PREX2: variants seen among roughly 807,000 people sequenced by gnomAD.
PREX2 encodes the protein phosphatidylinositol-3,4,5-trisphosphate dependent Rac exchange factor 2, also known as phosphatidylinositol 3,4,5-trisphosphate-dependent Rac exchanger 2 protein.
Under a neutral mutation model 203.2 loss-of-function variants are expected in PREX2, and 107 were observed. The observed-to-expected ratio is 0.53, with a 90% CI of 0.45 to 0.62. The LOEUF (loss-of-function observed/expected upper bound fraction) is 0.62. PREX2 is among the 20% of genes least tolerant of loss of function. PREX2 has a pLI of 0.00. For synonymous variants in PREX2, 672 were observed against 663.6 expected, an observed-to-expected ratio of 1.01 and a Z score of -0.19; for missense variants, 1,777 against 1,955.9, an observed-to-expected ratio of 0.91 and a Z score of 1.72.
chr8:68,115,486 A>G lies in PREX2; in HGVS notation c.3147-267A>G, dbSNP rs76637775. 4.2e-3 allele frequency among the ~76,000 whole-genome samples: 641 copies of G among 152,344 alleles called. 2 individuals carry two copies. Among genetic ancestry groups the G allele is most frequent in the Non-Finnish European group, 7.2e-3 (487 of 68,034 alleles). On this transcript the variant is annotated intron_variant, in intron 25 of 39. Transcript: ENST00000288368. The stretch of plus-strand genomic sequence containing the variant: ...CACAAGTGTCAAACAAAACTATCAC[A>G]GCTTTGTTTTAGCTATAGTCATACA...
intron 8 of PREX2, among the ~76,000 whole-genome samples, chr8:68,047,461 G>T: frequency 1.9e-5 from 2 of 104,252 alleles, no homozygotes; most frequent in African/African-American, 3.5e-5. Flanking sequence ...ATAATAAAAT[G>T]GATGAATTTA....
chr8:68,103,538 C>T (rs780405208), intron 23 of PREX2: 1 of 518,982 alleles, frequency 1.9e-6, no homozygotes, highest in Non-Finnish European at 3.8e-6. Context: ...TCCCCTACCC[C>T]ACACTGTTCC....
chr8:68,106,624 C>G (rs530906603), intron 23 of PREX2, among the ~76,000 whole-genome samples: 15 of 151,940 alleles, frequency 9.9e-5, no homozygotes, highest in African/African-American at 3.4e-4. Flanking sequence ...ATAATCTACA[C>G]GTATACATAT....
intron 3 of PREX2, among the ~76,000 whole-genome samples, chr8:68,019,912 A>C (rs1807518168): frequency 6.6e-6 from 1 of 152,214 alleles, no homozygotes; most frequent in Admixed American, 6.5e-5. Context: ...AGTTCTTCGC[A>C]TCCTCTGTAG....
intron 1 of PREX2, among the ~76,000 whole-genome samples, chr8:67,955,070 G>A (rs939442197): frequency 6.7e-6 from 1 of 150,116 alleles, no homozygotes; most frequent in East Asian, 2.0e-4. Flanking sequence ...CTTGAACCTG[G>A]GAGGTGGAGG....
intron 1 of PREX2, among the ~76,000 whole-genome samples, chr8:68,006,771 G>A (rs1286223943): frequency 1.3e-5 from 2 of 152,116 alleles, no homozygotes; most frequent in Admixed American, 1.3e-4. Flanking sequence ...CCAAAATGTT[G>A]GTTCTTGAGG....
chr8:68,087,065 T>C (rs1809714604), intron 18 of PREX2, among the ~76,000 whole-genome samples: 1 of 152,230 alleles, frequency 6.6e-6, no homozygotes, highest in Admixed American at 6.5e-5. Flanking sequence ...ATTAAGTACC[T>C]GTATAGCTCA....
At chr8:68,164,989 C>T (rs1457633188) in intron 35 of PREX2, among the ~76,000 whole-genome samples, 1 of 150,164 alleles carries the variant, frequency 6.7e-6, no homozygotes, top group Non-Finnish European at 1.5e-5. Flanking sequence ...AGGAGTAAAA[C>T]CCAGGCCCTG....
At chr8:68,207,220 A>G (rs865811201) in intron 37 of PREX2, among the ~76,000 whole-genome samples, 6 of 152,208 alleles carry the variant, frequency 3.9e-5, no homozygotes, top group Admixed American at 1.3e-4. Flanking sequence ...GTTAAAATCC[A>G]GAGAAAGGGA....
At chr8:68,100,278 C>T (rs1201509723) in intron 23 of PREX2, 3 of 442,898 alleles carry the variant, frequency 6.8e-6, no homozygotes, top group South Asian at 3.3e-5. Flanking sequence ...ATTCATTTGA[C>T]ATATATTTAT....
chr8:67,972,970 C>T (rs1027725821), intron 1 of PREX2, among the ~76,000 whole-genome samples: 6 of 152,164 alleles, frequency 3.9e-5, no homozygotes, highest in Non-Finnish European at 7.3e-5. Context: ...TGTCCCTCCC[C>T]TATTTTTCTG....
chr8:68,115,888 G>C lies in PREX2; in HGVS notation c.3282G>C (p.Gln1094His), dbSNP rs151002840. The C allele has an allele frequency of 2.3e-5, 37 of 1,613,708 alleles. No homozygotes were observed. The highest frequency in any genetic ancestry group is 3.0e-5 in the Non-Finnish European group (35 of 1,179,866). ...GTTTTAATGTAGCAGGAGATGAACA[G>C]GAAGATTCTGGTCATGACACCATCA... ...RVCFNVAGDE[Q>H]EDSGHDTISN... The change falls in exon 26 of 40, where the codon CAG (glutamine) becomes CAC (histidine). Residue 1094 changes from glutamine to histidine, a missense_variant. Transcript: ENST00000288368.
At chr8:68,163,928 CCAAGGT>C (rs1342926739) in intron 35 of PREX2, among the ~76,000 whole-genome samples, 1 of 152,096 alleles carries the variant, frequency 6.6e-6, no homozygotes, top group Non-Finnish European at 1.5e-5. Context: ...ATCACATACA[CCAAGGT>C]CAAGTTCTCT....
Position 68,232,649 on chromosome 8 carries a change from C to T in PREX2, c.*1271C>T, listed in dbSNP as rs1357536036. ...TTTTTTATTTTTTGAAACTGAGTCT[C>T]ACTCTGTTACCCAGACTGGAGTGCG... On this transcript the variant is annotated 3_prime_UTR_variant, in exon 40 of 40. Transcript: ENST00000288368. 6.6e-6 allele frequency: 1 copy of T among 152,056 alleles called. No individual in the cohort carries two copies. The highest frequency in any genetic ancestry group is 1.5e-5 in the Non-Finnish European group (1 of 68,022). 9.4% of individuals were successfully genotyped at this position (152,056 alleles called of 1,614,324 possible).
intron 37 of PREX2, among the ~76,000 whole-genome samples, chr8:68,208,925 C>CA (rs1350251070): frequency 2.6e-5 from 4 of 151,732 alleles, no homozygotes; most frequent in East Asian, 1.9e-4. Flanking sequence ...CCTATCTCCA[C>CA]AAAAAATTTA....
At chr8:68,045,081 G>A (rs1236319611) in intron 8 of PREX2, among the ~76,000 whole-genome samples, 1 of 151,996 alleles carries the variant, frequency 6.6e-6, no homozygotes, top group African/African-American at 2.4e-5. Flanking sequence ...GTAATTTTAA[G>A]TTCTTGTTTT....
intron 13 of PREX2, among the ~76,000 whole-genome samples, chr8:68,071,994 C>T (rs1252395505): frequency 6.6e-6 from 1 of 152,056 alleles, no homozygotes; most frequent in Admixed American, 6.6e-5. Flanking sequence ...ATACGATGTA[C>T]AGTAAGTTCT....
chr8:68,192,717 G>T, intron 37 of PREX2, 192 bp downstream of exon 37: 1 of 450,148 alleles, frequency 2.2e-6, no homozygotes, highest in African/African-American at 2.0e-5. Context: ...TACACATGAA[G>T]GCAATCCCAC....
intron 34 of PREX2, among the ~76,000 whole-genome samples, chr8:68,150,172 T>C (rs1287090172): frequency 6.6e-6 from 1 of 152,240 alleles, no homozygotes; most frequent in East Asian, 1.9e-4. Flanking sequence ...GCATCCTCTG[T>C]AGTCCATGCT....
Sources: allele counts gnomAD v4.1 joint callset (sites outside exome capture counted in the v4.1 genomes callset), GRCh38; gene constraint gnomAD v4.1.1; transcripts MANE v1.5; gene names NCBI Gene and HGNC (gene_info 2026-07-23, HGNC 2026-07-21).